Variants in MAGI2 observed in about 807,000 individuals in gnomAD.
MAGI2 encodes membrane-associated guanylate kinase, WW and PDZ domain-containing protein 2.
MAGI2 carries 35 observed loss-of-function variants against 133.3 expected under a neutral mutation model. That is an observed-to-expected ratio of 0.26 (90% CI 0.20 to 0.35). MAGI2 has a LOEUF of 0.35. MAGI2 is among the 10% of genes least tolerant of loss of function. The pLI is 1.00. For synonymous variants in MAGI2, 729 were observed against 710.6 expected (o/e 1.03, Z -0.41); for missense variants, 1,636 against 1,863.4 (o/e 0.88, Z 2.25).
chr7:78,624,379 A>G (rs555698606), intron 3 of MAGI2, among the ~76,000 whole-genome samples: 4 of 152,218 alleles, frequency 2.6e-5, no homozygotes, highest in African/African-American at 7.2e-5. Flanking sequence ...ATCACGAAAC[A>G]TTTACCCATG....
intron 1 of MAGI2, among the ~76,000 whole-genome samples, chr7:79,409,038 C>A (rs1484316872): frequency 1.3e-5 from 2 of 152,004 alleles, no homozygotes; most frequent in South Asian, 2.1e-4. Context: ...TCCAAAATAA[C>A]CCTCTACAGA....
intron 9 of MAGI2, among the ~76,000 whole-genome samples, chr7:78,306,425 G>A (rs1166604422): frequency 2.0e-5 from 3 of 152,100 alleles, no homozygotes; most frequent in Admixed American, 6.6e-5. Flanking sequence ...TTTTAACTTG[G>A]CTATCACTTC....
intron 3 of MAGI2, among the ~76,000 whole-genome samples, chr7:78,619,316 C>T (rs1807462740): frequency 6.6e-6 from 1 of 151,496 alleles, no homozygotes; most frequent in South Asian, 2.1e-4. Flanking sequence ...TAGGTTTTAC[C>T]TAATAATATT....
intron 2 of MAGI2, among the ~76,000 whole-genome samples, chr7:78,760,969 C>G (rs1485432270): frequency 1.3e-5 from 2 of 152,178 alleles, no homozygotes; most frequent in African/African-American, 4.8e-5. Context: ...CTACAATGTG[C>G]CAAGCTATAG....
chr7:78,528,012 G>A (rs1418407479), intron 3 of MAGI2, among the ~76,000 whole-genome samples: 3 of 152,118 alleles, frequency 2.0e-5, no homozygotes, highest in African/African-American at 7.2e-5. Flanking sequence ...TTTGGTAAAT[G>A]GAAAGAATGA....
intron 1 of MAGI2, among the ~76,000 whole-genome samples, chr7:79,437,049 A>G (rs1378803028): frequency 6.6e-6 from 1 of 152,210 alleles, no homozygotes; most frequent in Admixed American, 6.5e-5. Context: ...CTCTGCAGCA[A>G]CATGGATGCA....
At chr7:78,195,153 T>A in intron 11 of MAGI2, 90 bp from the exon 12 acceptor site, 1 of 1,082,408 alleles carries the variant, frequency 9.2e-7, no homozygotes, top group Non-Finnish European at 1.3e-6. Context: ...TTTTGCCTTG[T>A]GGACTTTTCT....
intron 6 of MAGI2, among the ~76,000 whole-genome samples, chr7:78,400,334 T>C (rs930173149): frequency 1.4e-5 from 2 of 144,066 alleles, no homozygotes; most frequent in African/African-American, 5.1e-5. Context: ...ACAAAAATAC[T>C]CTATTATCTA....
intron 2 of MAGI2, among the ~76,000 whole-genome samples, chr7:78,704,558 G>A (rs7803524): frequency 0.019 from 2,873 of 152,128 alleles, 92 homozygotes; most frequent in African/African-American, 0.064. Context: ...CAGCAATCCC[G>A]TTATTGGGTA....
chr7:78,100,975 T>A (rs1395151937), intron 20 of MAGI2, among the ~76,000 whole-genome samples: 2 of 128,038 alleles, frequency 1.6e-5, no homozygotes, highest in Non-Finnish European at 3.2e-5. Flanking sequence ...ATTAAAATAC[T>A]TAGAAAAAAA....
intron 9 of MAGI2, among the ~76,000 whole-genome samples, chr7:78,329,804 A>G (rs1788984460): frequency 6.6e-6 from 1 of 152,218 alleles, no homozygotes; most frequent in Non-Finnish European, 1.5e-5. Flanking sequence ...GCATACTTAC[A>G]TGGCACCTAG....
intron 6 of MAGI2, among the ~76,000 whole-genome samples, chr7:78,483,264 T>A (rs1792615231): frequency 6.6e-6 from 1 of 151,896 alleles, no homozygotes; most frequent in South Asian, 2.1e-4. Flanking sequence ...CAAAACAGAT[T>A]TGATGATGTC....
intron 2 of MAGI2, among the ~76,000 whole-genome samples, chr7:78,682,640 G>T (rs1329158820): frequency 1.3e-5 from 2 of 152,106 alleles, no homozygotes; most frequent in Non-Finnish European, 2.9e-5. Context: ...CGTTTGGGTT[G>T]GTTCCAAGTC....
intron 2 of MAGI2, among the ~76,000 whole-genome samples, chr7:78,884,761 G>A (rs554508438): frequency 9.2e-5 from 14 of 152,144 alleles, no homozygotes; most frequent in African/African-American, 3.4e-4. Context: ...AAGCAGTTTG[G>A]GGATCTCTCA....
At chr7:78,532,369 T>C (rs1797542806) in intron 3 of MAGI2, among the ~76,000 whole-genome samples, 1 of 152,238 alleles carries the variant, frequency 6.6e-6, no homozygotes, top group African/African-American at 2.4e-5. Flanking sequence ...AAACTGTCAT[T>C]TGACTGTATC....
chr7:78,576,926 C>T (rs1313513284), intron 3 of MAGI2, among the ~76,000 whole-genome samples: 1 of 152,122 alleles, frequency 6.6e-6, no homozygotes, highest in East Asian at 1.9e-4. Flanking sequence ...TAGTTAAGCC[C>T]TGTCTCTACT....
intron 9 of MAGI2, among the ~76,000 whole-genome samples, chr7:78,275,840 C>T (rs1217822886): frequency 2.0e-5 from 3 of 151,744 alleles, no homozygotes; most frequent in Admixed American, 6.6e-5. Context: ...AGCAGTTAGC[C>T]CTTTAGCTGA....
intron 21 of MAGI2, among the ~76,000 whole-genome samples, chr7:78,071,183 G>A (rs770453158): frequency 1.3e-4 from 20 of 152,138 alleles, no homozygotes; most frequent in Non-Finnish European, 2.1e-4. Context: ...AATCACTTAC[G>A]ATAACAAATG....
At chr7:79,148,857 T>TATATGTATGTTTTATATAC (rs1379172384) in intron 1 of MAGI2, among the ~76,000 whole-genome samples, 2 of 147,838 alleles carry the variant, frequency 1.4e-5, no homozygotes, top group African/African-American at 4.9e-5. Context: ...TTTATATATA[T>TATATGTATGTTTTATATAC]ATATGTATGT....
Sources: gnomAD v4.1 joint callset for allele counts (sites outside exome capture counted in the v4.1 genomes callset) on GRCh38, gnomAD v4.1.1 for gene constraint, MANE v1.5 for transcripts, NCBI Gene and HGNC (gene_info 2026-07-23, HGNC 2026-07-21) for gene names.